Variants in CPM observed in about 807,000 individuals in gnomAD.
CPM encodes the protein carboxypeptidase M, also known as renal carboxypeptidase.
Under a neutral mutation model 46.4 loss-of-function variants are expected in CPM, and 35 were observed. The observed-to-expected ratio is 0.75, with a 90% CI of 0.58 to 1.00. The LOEUF is 1.00. CPM is among the 50% of genes least tolerant of loss of function. The probability of loss-of-function intolerance (pLI) is 0.00; values close to 1 mark genes in which losing one functional copy is unlikely to be tolerated. For missense variants in CPM, 422 were observed against 530.4 expected (o/e 0.80, Z 2.01); for synonymous variants, 195 against 195.3 (o/e 1.00, Z 0.01).
At chr12:68,961,755 TAAAC>T (rs1889115716) in intron 1 of CPM, among the ~76,000 whole-genome samples, 1 of 51,856 alleles carries the variant, frequency 1.9e-5, no homozygotes, top group African/African-American at 4.7e-5. Flanking sequence ...CTCTACTAAA[TAAAC>T]AAACAGACAA....
chr12:68,855,720 GT>G lies in CPM; in HGVS notation c.*716del, dbSNP rs562662016. 3,805 of 148,484 alleles carry G rather than the reference GT, an allele frequency of 0.026. 69 individuals are homozygous for G. The highest frequency in any genetic ancestry group is 0.051 in the African/African-American group (2,023 of 39,756). 9.2% of individuals were successfully genotyped at this position (148,484 alleles called of 1,614,324 possible). A position where few individuals can be genotyped will look rare whatever the true frequency, so the allele number is the denominator to read the frequency against. On this transcript the variant is annotated 3_prime_UTR_variant, in exon 9 of 9. Coordinates refer to ENST00000551568, the MANE Select transcript of CPM (RefSeq NM_198320.5). ...TCACATGTAGCACTCATGGTGAGGT[GT>G]TTTTTTTGTTTGTTTGTTTTTGTTT...
intron 5 of CPM, chr12:68,846,129 A>T: frequency 6.6e-6 from 1 of 151,968 alleles, no homozygotes; most frequent in Non-Finnish European, 1.5e-5. Flanking sequence ...TTTTTTTTGT[A>T]TTTTTAGTAG....
Position 68,866,815 on chromosome 12 carries a change from G to T in CPM, c.940+81C>A. 8 of 1,175,076 alleles carry T rather than the reference G, an allele frequency of 6.8e-6. No individual in the cohort carries two copies. The South Asian group carries it at 8.4e-5, about 12-fold the overall frequency. The allele number at this position is 1,175,076 out of a possible 1,614,324, so 72.8% of individuals were successfully genotyped here. A position where few individuals can be genotyped will look rare whatever the true frequency, so the allele number is the denominator to read the frequency against. ...CTATAACTACAAAGCATAAATAAAG[G>T]CTTGCGTTTAGTCAACCCAGAGGTC... On this transcript the variant is annotated intron_variant, in intron 7 of 8. Transcript: ENST00000551568.
intron 2 of CPM, among the ~76,000 whole-genome samples, chr12:68,905,661 T>C (rs1887313139): frequency 6.6e-6 from 1 of 152,094 alleles, no homozygotes. Flanking sequence ...ACATGTAAGA[T>C]ATAGCCTTGT....
At chr12:68,903,701 C>A (rs1316096557) in intron 2 of CPM, among the ~76,000 whole-genome samples, 2 of 152,222 alleles carry the variant, frequency 1.3e-5, no homozygotes, top group African/African-American at 4.8e-5. Flanking sequence ...ACATTGCTCA[C>A]TGGCAAACTG....
At chr12:68,843,172 A>G (rs961844976) in intron 5 of CPM, 13 of 224,572 alleles carry the variant, frequency 5.8e-5, no homozygotes, top group African/African-American at 2.7e-4. Flanking sequence ...TTGCACACAA[A>G]ACCACTTTTA....
chr12:68,856,292 T>C lies in CPM; in HGVS notation c.*145A>G, dbSNP rs1432790570. On this transcript the variant is annotated 3_prime_UTR_variant, in exon 9 of 9. Transcript: ENST00000551568. ...TCACCACATATTGCTTATTGTGGAA[T>C]TTGGAAACATCCATTTCTCTTCTTC... 2.2e-6 allele frequency: 2 copies of C among 920,322 alleles called. No homozygotes were observed. Among genetic ancestry groups the C allele is most frequent in the Admixed American group, 2.5e-5 (1 of 40,594 alleles). 57.0% of individuals were successfully genotyped at this position (920,322 alleles called of 1,614,324 possible). A position where few individuals can be genotyped will look rare whatever the true frequency, so the allele number is the denominator to read the frequency against.
At chr12:68,949,623 C>G (rs1383025187) in intron 1 of CPM, among the ~76,000 whole-genome samples, 1 of 152,144 alleles carries the variant, frequency 6.6e-6, no homozygotes, top group Non-Finnish European at 1.5e-5. Context: ...ATAAAGCACT[C>G]AACAATGTGT....
rs1884793730 is a variant in CPM, at chr12:68,853,015, T to A, written c.*3422A>T. ...GGGAGGGGAAAAGCCGGAAAGGCGTTGGGCAGGGAGGTGGCTTGGGTACCT... is the reference window on the plus strand; with the variant it reads ...GGGAGGGGAAAAGCCGGAAAGGCGTAGGGCAGGGAGGTGGCTTGGGTACCT... On this transcript the variant is annotated 3_prime_UTR_variant, in exon 9 of 9. Transcript: ENST00000551568. 6.6e-6 allele frequency: 1 copy of A among 152,340 alleles called. No individual in the cohort carries two copies. The highest frequency in any genetic ancestry group is 2.1e-4 in the South Asian group (1 of 4,840). The allele number at this position is 152,340 out of a possible 1,614,324, so 9.4% of individuals were successfully genotyped here.
chr12:68,920,168 A>G (rs898559602), intron 2 of CPM, among the ~76,000 whole-genome samples: 2 of 152,150 alleles, frequency 1.3e-5, no homozygotes, highest in African/African-American at 4.8e-5. Flanking sequence ...CTCCCTAGAA[A>G]CTGAGCAGAT....
chr12:68,877,351 G>A (rs1886004142), intron 3 of CPM, among the ~76,000 whole-genome samples: 1 of 152,132 alleles, frequency 6.6e-6, no homozygotes, highest in Non-Finnish European at 1.5e-5. Flanking sequence ...ATAAATAATT[G>A]CTAATAAACT....
chr12:68,872,116 C>G (rs1885727996), intron 3 of CPM, among the ~76,000 whole-genome samples, 160 bp from the exon 4 acceptor site: 1 of 152,166 alleles, frequency 6.6e-6, no homozygotes, highest in Admixed American at 6.5e-5. Flanking sequence ...TATGCTCTGC[C>G]AAGTGGCCAT....
intron 2 of CPM, among the ~76,000 whole-genome samples, chr12:68,910,799 T>C (rs1887564658): frequency 6.6e-6 from 1 of 152,166 alleles, no homozygotes; most frequent in South Asian, 2.1e-4. Context: ...TCCTCATATA[T>C]ACTTTGTGCA....
intron 7 of CPM, among the ~76,000 whole-genome samples, chr12:68,864,618 T>C (rs1174002795): frequency 1.3e-5 from 2 of 152,172 alleles, no homozygotes; most frequent in Non-Finnish European, 2.9e-5. Flanking sequence ...TACAGCTAGA[T>C]TGAGGTTCTG....
intron 1 of CPM, among the ~76,000 whole-genome samples, chr12:68,960,049 T>C (rs1290344404): frequency 6.6e-6 from 1 of 152,250 alleles, no homozygotes; most frequent in Non-Finnish European, 1.5e-5. Flanking sequence ...TTCATTTCCA[T>C]GAACGGCCTT....
intron 5 of CPM, chr12:68,842,504 T>G: frequency 2.6e-6 from 1 of 384,500 alleles, no homozygotes; most frequent in East Asian, 5.1e-5. Context: ...GAAAGGTGAT[T>G]ACAAAATCAT....
chr12:68,947,657 T>A (rs191359609), intron 1 of CPM, among the ~76,000 whole-genome samples: 8 of 152,010 alleles, frequency 5.3e-5, no homozygotes, highest in East Asian at 1.9e-4. Context: ...TATTATTATT[T>A]TTTTTGAGAC....
rs1325269743 is a variant in CPM, at chr12:68,885,785, T to A, written c.258+7A>T. 6.2e-7 allele frequency: 1 copy of A among 1,611,004 alleles called. No homozygotes were observed. The highest frequency in any genetic ancestry group is 8.5e-7 in the Non-Finnish European group (1 of 1,177,428). On this transcript the variant is annotated splice_region_variant and intron_variant, in intron 3 of 8. Transcript: ENST00000551568. ...TGACATTTCAGAAATTCAAGCCACATACGTACCTCATCTCCATGCATATTT... is the reference window on the plus strand; with the variant it reads ...TGACATTTCAGAAATTCAAGCCACAAACGTACCTCATCTCCATGCATATTT...
At chr12:68,943,102 A>C (rs1279357409) in intron 1 of CPM, among the ~76,000 whole-genome samples, 1 of 152,196 alleles carries the variant, frequency 6.6e-6, no homozygotes, top group African/African-American at 2.4e-5. Flanking sequence ...AAGAGATTAT[A>C]TGTAATAACT....
Sources: allele counts gnomAD v4.1 joint callset (sites outside exome capture counted in the v4.1 genomes callset), GRCh38; gene constraint gnomAD v4.1.1; transcripts MANE v1.5; gene names NCBI Gene and HGNC (gene_info 2026-07-23, HGNC 2026-07-21).